The following SYN3 variants were observed in gnomAD, a reference collection of about 807,000 sequenced individuals.
SYN3 encodes the protein synapsin III.
In SYN3, 35 loss-of-function variants were observed where a neutral mutation model predicts 65.8. That is an observed-to-expected ratio of 0.53 (90% CI 0.41 to 0.70). SYN3 has a LOEUF of 0.70. Among genes scored for constraint, SYN3 ranks in the 30% least tolerant of loss-of-function variants. The pLI, the probability that SYN3 is intolerant of heterozygous loss-of-function variation, is 0.00. For synonymous variants in SYN3, 270 were observed against 292.9 expected (o/e 0.92, Z 0.80); for missense variants, 680 against 749.0 (o/e 0.91, Z 1.08).
intron 7 of SYN3, among the ~76,000 whole-genome samples, chr22:32,579,685 G>A (rs1265283213): frequency 6.6e-6 from 1 of 152,138 alleles, no homozygotes; most frequent in Non-Finnish European, 1.5e-5. Context: ...AGGACTCAGA[G>A]CTCAAAGGTG....
intron 2 of SYN3, among the ~76,000 whole-genome samples, chr22:33,002,086 G>A (rs2053075474): frequency 6.6e-6 from 1 of 152,136 alleles, no homozygotes; most frequent in Non-Finnish European, 1.5e-5. Context: ...AAACACCCCG[G>A]CAGACATCAA....
chr22:32,778,400 T>C (rs1220205960), intron 6 of SYN3, among the ~76,000 whole-genome samples: 1 of 152,170 alleles, frequency 6.6e-6, no homozygotes. Context: ...GCAATTCTCC[T>C]GCCTAAGCCT....
chr22:32,870,335 A>G (rs569413260), intron 4 of SYN3, among the ~76,000 whole-genome samples: 14 of 149,910 alleles, frequency 9.3e-5, no homozygotes, highest in Non-Finnish European at 2.1e-4. Context: ...TTTTGATTTT[A>G]ATGTTTTCCA....
rs140649200 is a variant in SYN3 at position 32,810,590 on chromosome 22, C to T, written c.711+54325G>A. Among the ~76,000 whole-genome samples the T allele has an allele frequency of 4.9e-3, 745 of 152,218 alleles. 7 individuals carry two copies. Among genetic ancestry groups the T allele is most frequent in the South Asian group, 0.02 (95 of 4,816 alleles). On this transcript the variant is annotated intron_variant, in intron 6 of 13. Coordinates refer to ENST00000358763, the MANE Select transcript of SYN3 (RefSeq NM_003490.4). ...CTGACCAAGCCTCCAAGAGCCATTC[C>T]GGAACTAGAGATCTTAAATACTACA... is the stretch of plus-strand genomic sequence containing the variant.
In SYN3 at chr22:32,533,521, C is replaced by A. The variant is rs543760657; in HGVS notation, c.1095+272G>T. ...TATCTTGTTGACCCTTGACCAGATG[C>A]CCTTTCCTTCCCTTAGGCCTGTGGG... On this transcript the variant is annotated intron_variant, in intron 10 of 13. Transcript: ENST00000358763. 6.6e-5 allele frequency among the ~76,000 whole-genome samples: 10 copies of A among 152,240 alleles called. No individual in the cohort carries two copies. In the East Asian group the frequency reaches 1.6e-3, roughly 24 times the overall value.
In SYN3 at chr22:32,513,174, G is replaced by A. The variant is rs1289513913; in HGVS notation, c.*518C>T. On this transcript the variant is annotated 3_prime_UTR_variant, in exon 14 of 14. Transcript: ENST00000358763. ...CGGGTCTTGAGCGTGGATGGAACTAGCGTGGGCAGGTGGCGAGTTCCCCTG... is the reference window on the plus strand; with the variant it reads ...CGGGTCTTGAGCGTGGATGGAACTAACGTGGGCAGGTGGCGAGTTCCCCTG... 6.5e-6 allele frequency: 1 copy of A among 153,388 alleles called. No homozygotes were observed. The highest frequency in any genetic ancestry group is 1.5e-5 in the Non-Finnish European group (1 of 68,596). 9.5% of individuals were successfully genotyped at this position (153,388 alleles called of 1,614,324 possible).
rs1029898223 is a variant in SYN3, at chr22:32,987,652, G to A, written c.312-6950C>T. 5.3e-5 allele frequency among the ~76,000 whole-genome samples: 8 copies of A among 152,272 alleles called. 1 individual carries two copies. The highest frequency in any genetic ancestry group is 3.9e-4 in the East Asian group (2 of 5,172). ...AAAAACTGAGACATAACAGGGCCCC[G>A]AGCCACAGGATGTGACAAATGATCC... On this transcript the variant is annotated intron_variant, in intron 2 of 13. Coordinates refer to ENST00000358763, the MANE Select transcript of SYN3 (RefSeq NM_003490.4).
rs146493833 is a variant in SYN3 at position 32,904,770 on chromosome 22, G to T, written c.461+26620C>A. ...TGTGGACTCTTGTCCACTGTGGGAA[G>T]CTTTCAGGTGGGGTAAGATGTCTGG... On this transcript the variant is annotated intron_variant, in intron 4 of 13. Transcript: ENST00000358763. 5.0e-3 allele frequency among the ~76,000 whole-genome samples: 757 copies of T among 152,278 alleles called. 11 individuals carry two copies. Among genetic ancestry groups the T allele is most frequent in the Admixed American group, 0.03 (464 of 15,300 alleles).
At chr22:32,774,360 T>C (rs963365294) in intron 6 of SYN3, among the ~76,000 whole-genome samples, 2 of 152,044 alleles carry the variant, frequency 1.3e-5, no homozygotes, top group Admixed American at 6.5e-5. Context: ...ACACAGAGAA[T>C]GCCGTGTGAT....
At chr22:32,755,143 C>T (rs939104685) in intron 6 of SYN3, among the ~76,000 whole-genome samples, 1 of 152,218 alleles carries the variant, frequency 6.6e-6, no homozygotes, top group African/African-American at 2.4e-5. Context: ...TTACTGAGAA[C>T]TATGGAGTTC....
At position 32,837,321 on chromosome 22, in the gene SYN3, T is replaced by C. The variant is rs2047761465; in HGVS notation, c.711+27594A>G. On this transcript the variant is annotated intron_variant, in intron 6 of 13. Transcript: ENST00000358763. This position sits in a 1 kb window ranked among gnomAD's most constrained non-coding sequence, Gnocchi z 4.1. ...GAGAGGCTGGAGCACTCTCAGGGGA[T>C]AGGGGGTGGTCTCAGCCCCCCTCAC... Among the ~76,000 whole-genome samples, 1 of 152,066 alleles carries C rather than the reference T, an allele frequency of 6.6e-6. No homozygotes were observed. The highest frequency in any genetic ancestry group is 2.4e-5 in the African/African-American group (1 of 41,428).
At chr22:32,613,970 C>G (rs1324440036) in intron 6 of SYN3, among the ~76,000 whole-genome samples, 1 of 152,182 alleles carries the variant, frequency 6.6e-6, no homozygotes. Context: ...TCAGCCCTAC[C>G]ACTGCTGAGC....
chr22:32,546,419 G>A (rs2058336445), intron 7 of SYN3, among the ~76,000 whole-genome samples: 1 of 152,210 alleles, frequency 6.6e-6, no homozygotes, highest in African/African-American at 2.4e-5. Context: ...TTATAAGGTG[G>A]ATATTTCCAT....
chr22:32,940,582 G>C (rs1461243041), intron 3 of SYN3, among the ~76,000 whole-genome samples: 1 of 151,848 alleles, frequency 6.6e-6, no homozygotes, highest in Non-Finnish European at 1.5e-5. Flanking sequence ...TTTTTCATAT[G>C]GTTATTCATA....
chr22:33,003,685 A>G (rs912380531), intron 2 of SYN3, among the ~76,000 whole-genome samples: 4 of 152,210 alleles, frequency 2.6e-5, no homozygotes, highest in African/African-American at 9.7e-5. Flanking sequence ...CAGCCTGACA[A>G]TGTGATAGAA....
At chr22:32,877,479 T>C (rs1160674567) in intron 4 of SYN3, among the ~76,000 whole-genome samples, 1 of 152,122 alleles carries the variant, frequency 6.6e-6, no homozygotes, top group Non-Finnish European at 1.5e-5. Flanking sequence ...TGGATAATTC[T>C]CTGTTGTGGG....
chr22:32,731,476 G>T (rs2147341909), intron 6 of SYN3, among the ~76,000 whole-genome samples: 1 of 152,312 alleles, frequency 6.6e-6, no homozygotes, highest in East Asian at 1.9e-4. Context: ...TATCCAGGAA[G>T]TTCTCTGAAA....
intron 1 of SYN3, among the ~76,000 whole-genome samples, chr22:33,054,382 T>TTTTG (rs753741725): frequency 6.6e-6 from 1 of 152,200 alleles, no homozygotes; most frequent in Non-Finnish European, 1.5e-5. Context: ...TCCACCCAAC[T>TTTTG]TTTGTTTGTT....
intron 4 of SYN3, among the ~76,000 whole-genome samples, chr22:32,915,669 G>A (rs537834693): frequency 6.6e-6 from 1 of 152,342 alleles, no homozygotes; most frequent in East Asian, 1.9e-4. Flanking sequence ...AAGGATGGAA[G>A]TACCATTGTG....
Sources: gnomAD v4.1 joint callset for allele counts (sites outside exome capture counted in the v4.1 genomes callset) on GRCh38, gnomAD v4.1.1 for gene constraint, Gnocchi (gnomAD v3.1) non-coding constraint, MANE v1.5 for transcripts, NCBI Gene and HGNC (gene_info 2026-07-23, HGNC 2026-07-21) for gene names.